Variants in VPS13B observed in about 807,000 individuals in gnomAD.
The protein encoded by VPS13B is vacuolar protein sorting 13 homolog B.
A neutral mutation model predicts 426.4 loss-of-function variants in VPS13B; 285 were observed. That is an observed-to-expected ratio of 0.67 (90% confidence interval 0.61 to 0.74). The LOEUF (loss-of-function observed/expected upper bound fraction) is 0.74. Ranked by LOEUF, VPS13B falls within the 30% of genes least tolerant of loss-of-function variation. The probability of loss-of-function intolerance (pLI) is 0.00; values close to 1 mark genes in which losing one functional copy is unlikely to be tolerated. For synonymous variants in VPS13B, 1,676 were observed against 1,676.4 expected (o/e 1.00, Z 0.01); for missense variants, 4,537 against 4,782.6 (o/e 0.95, Z 1.51).
Position 99,013,644 on chromosome 8 carries a change from C to T in VPS13B, c.-29-116C>T, listed in dbSNP as rs889864965. 2.3e-5 allele frequency: 21 copies of T among 911,170 alleles called. No homozygotes were observed. In the Admixed American group the frequency reaches 2.8e-4, roughly 12 times the overall value. 56.4% of individuals were successfully genotyped at this position (911,170 alleles called of 1,614,324 possible). A position where few individuals can be genotyped will look rare whatever the true frequency, so the allele number is the denominator to read the frequency against. On this transcript the variant is annotated intron_variant, in intron 1 of 61. Transcript: ENST00000357162. ...AGTCCGCTGGAGTTTTTCTCTGTTT[C>T]TAAGAGGAGGCGAACGGCCGCTTTG...
intron 17 of VPS13B, among the ~76,000 whole-genome samples, chr8:99,243,394 T>A (rs1173183035): frequency 6.6e-6 from 1 of 152,124 alleles, no homozygotes; most frequent in East Asian, 1.9e-4. Flanking sequence ...AATATTGATG[T>A]GAGTATTAAT....
intron 23 of VPS13B, among the ~76,000 whole-genome samples, chr8:99,450,499 G>A (rs1463260680): frequency 2.0e-5 from 3 of 152,146 alleles, no homozygotes; most frequent in African/African-American, 7.2e-5. Flanking sequence ...CAGATCACAA[G>A]GTTAGGAGAT....
chr8:99,469,168 CTTTTTT>C (rs35646881), intron 24 of VPS13B, among the ~76,000 whole-genome samples: 2 of 127,780 alleles, frequency 1.6e-5, no homozygotes, highest in Admixed American at 8.4e-5. Flanking sequence ...TCTTTCTTTC[CTTTTTT>C]TTTTTTTTTT....
chr8:99,156,341 A>T (rs748216753), intron 14 of VPS13B, among the ~76,000 whole-genome samples: 2 of 152,248 alleles, frequency 1.3e-5, no homozygotes, highest in African/African-American at 4.8e-5. Flanking sequence ...TGCAAAAAAT[A>T]TGCATTCTTT....
At chr8:99,570,132 A>G (rs562908672) in intron 31 of VPS13B, among the ~76,000 whole-genome samples, 1 of 152,108 alleles carries the variant, frequency 6.6e-6, no homozygotes, top group African/African-American at 2.4e-5. Context: ...TTTCATCATC[A>G]TGGGTGATGA....
chr8:99,815,891 G>T lies in VPS13B; in HGVS notation c.8098-1649G>T, dbSNP rs1265083418. The stretch of plus-strand genomic sequence containing the variant: ...CTGTCACCCAGGGTGGAGTACAGTG[G>T]TGCAATTACAGTTCACTGCAGCCTT... On this transcript the variant is annotated intron_variant, in intron 44 of 61. Coordinates refer to ENST00000357162, the MANE Select transcript of VPS13B (RefSeq NM_152564.5). Among the ~76,000 whole-genome samples, 3 of 152,130 alleles carry T rather than the reference G, an allele frequency of 2.0e-5. No individual in the cohort carries two copies. The East Asian group carries it at 5.8e-4, about 29-fold the overall frequency.
chr8:99,336,913 T>C (rs1810915005), intron 19 of VPS13B, among the ~76,000 whole-genome samples: 1 of 152,094 alleles, frequency 6.6e-6, no homozygotes, highest in East Asian at 1.9e-4. Flanking sequence ...ACACTGTTGG[T>C]GGGACTGTAA....
At chr8:99,140,613 T>C (rs1810361036) in intron 12 of VPS13B, among the ~76,000 whole-genome samples, 1 of 145,786 alleles carries the variant, frequency 6.9e-6, no homozygotes. Context: ...CCCCTTCTCT[T>C]CTCCTCCTCT....
At chr8:99,602,112 T>G (rs946681245) in intron 33 of VPS13B, among the ~76,000 whole-genome samples, 3 of 152,226 alleles carry the variant, frequency 2.0e-5, no homozygotes, top group Non-Finnish European at 4.4e-5. Flanking sequence ...GGTTTTCTTG[T>G]AGGGTTTTTA....
chr8:99,796,116 G>C (rs1338176812), intron 43 of VPS13B, among the ~76,000 whole-genome samples: 3 of 152,106 alleles, frequency 2.0e-5, no homozygotes, highest in Non-Finnish European at 4.4e-5. Context: ...GGACATAATG[G>C]TGTTTTAAAA....
chr8:99,871,374 G>GTAAA lies in VPS13B; in HGVS notation c.11496-70_11496-67dup, dbSNP rs551851070. The GTAAA allele has an allele frequency of 1.1e-4, 179 of 1,609,940 alleles. 3 individuals carry two copies. In the South Asian group the frequency reaches 1.8e-3, roughly 17 times the overall value. On this transcript the variant is annotated intron_variant, in intron 60 of 61. Coordinates refer to ENST00000357162, the MANE Select transcript of VPS13B (RefSeq NM_152564.5). The stretch of plus-strand genomic sequence containing the variant: ...TGCCCTTGTGGAGGTTGCCCCATTG[G>GTAAA]TAAATAATGAGCACTGATAAGTGAC...
At chr8:99,397,184 C>T (rs1166324870) in intron 21 of VPS13B, among the ~76,000 whole-genome samples, 2 of 152,098 alleles carry the variant, frequency 1.3e-5, no homozygotes, top group African/African-American at 2.4e-5. Context: ...CTCACTCTGT[C>T]GCCCAGGCTG....
chr8:99,779,628 A>G (rs1162185365), intron 42 of VPS13B, among the ~76,000 whole-genome samples: 1 of 152,190 alleles, frequency 6.6e-6, no homozygotes, highest in Non-Finnish European at 1.5e-5. Flanking sequence ...TCAGAAATAA[A>G]CCAAACCAAA....
chr8:99,186,063 A>T (rs1042437931), intron 16 of VPS13B, among the ~76,000 whole-genome samples: 2 of 152,096 alleles, frequency 1.3e-5, no homozygotes, highest in African/African-American at 4.8e-5. Context: ...ATTTTTCCCT[A>T]GAGAGTAATG....
chr8:99,236,153 A>G (rs1816634103), intron 17 of VPS13B, among the ~76,000 whole-genome samples: 1 of 152,132 alleles, frequency 6.6e-6, no homozygotes, highest in Non-Finnish European at 1.5e-5. Context: ...ATCATGGGTC[A>G]ATTGTGTTGT....
At chr8:99,752,023 G>T (rs369516531) in intron 39 of VPS13B, among the ~76,000 whole-genome samples, 1 of 152,008 alleles carries the variant, frequency 6.6e-6, no homozygotes, top group East Asian at 1.9e-4. Context: ...ATCTGTCTTC[G>T]TTGACTGTTT....
intron 52 of VPS13B, among the ~76,000 whole-genome samples, chr8:99,834,546 A>AT (rs554743714): frequency 0.13 from 18,559 of 145,828 alleles, 1,160 homozygotes; most frequent in Non-Finnish European, 0.14. Context: ...TTTATTTTTT[A>AT]TTTTTTTTGA....
intron 17 of VPS13B, among the ~76,000 whole-genome samples, chr8:99,207,101 T>G (rs1235840246): frequency 1.3e-5 from 2 of 152,154 alleles, no homozygotes; most frequent in East Asian, 1.9e-4. Context: ...AATATGAATA[T>G]TTATTGAATT....
rs903450640 is a variant in VPS13B, at chr8:99,760,525, C to T, written c.7051-6249C>T. 4.6e-5 allele frequency among the ~76,000 whole-genome samples: 7 copies of T among 151,738 alleles called. No homozygotes were observed. The South Asian group carries it at 1.5e-3, about 32-fold the overall frequency. ...TAAGTGGTAGGGCCAGGATTTTATC[C>T]GAAGTGTGACACCAATGACTTTTTT... On this transcript the variant is annotated intron_variant, in intron 39 of 61. Coordinates refer to ENST00000357162, the MANE Select transcript of VPS13B (RefSeq NM_152564.5).
Sources: allele counts gnomAD v4.1 joint callset (sites outside exome capture counted in the v4.1 genomes callset), GRCh38; gene constraint gnomAD v4.1.1; transcripts MANE v1.5; gene names NCBI Gene and HGNC (gene_info 2026-07-23, HGNC 2026-07-21).